The following TRIM75 variants were observed in gnomAD, a reference collection of about 807,000 sequenced individuals.
TRIM75 encodes tripartite motif-containing protein 75.
At chr4:165,056,498 C>T in the TRIM75 span, among the ~76,000 whole-genome samples, 1 of 150,936 alleles carries the variant, frequency 6.6e-6, no homozygotes, top group African/African-American at 2.4e-5. Flanking sequence ...CCTTGGACCA[C>T]AGGGATTGAT....
At chr4:165,058,739 T>G in the TRIM75 span, among the ~76,000 whole-genome samples, 1 of 151,894 alleles carries the variant, frequency 6.6e-6, no homozygotes, top group African/African-American at 2.4e-5. Context: ...CCACCTGAAA[T>G]AAATTCAGGT....
At chr4:165,053,925 G>A in the TRIM75 span, among the ~76,000 whole-genome samples, 220 of 151,682 alleles carry the variant, frequency 1.5e-3, 1 homozygote, top group Non-Finnish European at 1.9e-3. Flanking sequence ...ATAAAGGACC[G>A]CCGCAGAGCT....
chr4:165,060,332 T>C, the TRIM75 span: 56 of 780,802 alleles, frequency 7.2e-5, no homozygotes, highest in Non-Finnish European at 1.1e-4. Flanking sequence ...ATGGCTATCA[T>C]GCACCAGGGG....
At chr4:165,056,268 T>C in the TRIM75 span, among the ~76,000 whole-genome samples, 1 of 150,748 alleles carries the variant, frequency 6.6e-6, no homozygotes, top group Non-Finnish European at 1.5e-5. Context: ...ATCCCATCTC[T>C]ATTAAAAATA....
the TRIM75 span, chr4:165,060,090 C>A: frequency 1.3e-6 from 1 of 780,646 alleles, no homozygotes; most frequent in African/African-American, 1.7e-5. Context: ...AGATAAAAAA[C>A]GTGTGAGATT....
chr4:165,055,137 TA>T, the TRIM75 span, among the ~76,000 whole-genome samples: 3 of 151,484 alleles, frequency 2.0e-5, no homozygotes, highest in East Asian at 1.9e-4. Context: ...ACTCAACCAT[TA>T]AAAAAAAATT....
At chr4:165,060,327 T>A in the TRIM75 span, 8 of 780,936 alleles carry the variant, frequency 1.0e-5, no homozygotes, top group Admixed American at 1.4e-4. Flanking sequence ...AGATGATGGC[T>A]ATCATGCACC....
the TRIM75 span, among the ~76,000 whole-genome samples, chr4:165,054,888 C>T: frequency 4.0e-5 from 6 of 151,698 alleles, no homozygotes; most frequent in South Asian, 2.1e-4. Context: ...GGTCTGATGG[C>T]GAGTGTGGAA....
chr4:165,054,488 C>T, the TRIM75 span, among the ~76,000 whole-genome samples: 12 of 152,048 alleles, frequency 7.9e-5, no homozygotes, highest in South Asian at 2.1e-4. Flanking sequence ...AGTATGGTCT[C>T]GATCTTCTGA....
the TRIM75 span, chr4:165,060,399 G>A: frequency 2.6e-6 from 2 of 780,910 alleles, no homozygotes; most frequent in Admixed American, 3.4e-5. Flanking sequence ...CATTTTCCTG[G>A]ACTATGAGAT....
chr4:165,056,389 A>C, the TRIM75 span, among the ~76,000 whole-genome samples: 7 of 152,002 alleles, frequency 4.6e-5, no homozygotes, highest in Admixed American at 4.6e-4. Context: ...TTTCCAAAGA[A>C]AGGTCTGTCT....
chr4:165,054,266 A>ATTTTTT, the TRIM75 span, among the ~76,000 whole-genome samples: 8 of 96,876 alleles, frequency 8.3e-5, no homozygotes, highest in African/African-American at 2.3e-4. Flanking sequence ...TAATTTGTGT[A>ATTTTTT]TTTTTTTTTT....
At chr4:165,054,481 A>C in the TRIM75 span, among the ~76,000 whole-genome samples, 2 of 151,966 alleles carry the variant, frequency 1.3e-5, no homozygotes, top group South Asian at 2.1e-4. Flanking sequence ...GTTGGCCAGT[A>C]TGGTCTCGAT....
the TRIM75 span, among the ~76,000 whole-genome samples, chr4:165,055,026 T>C: frequency 1.3e-5 from 2 of 152,094 alleles, no homozygotes; most frequent in African/African-American, 2.4e-5. Flanking sequence ...TCTCCCTTTA[T>C]TTAACCACTA....
the TRIM75 span, chr4:165,059,088 C>A: frequency 1.5e-6 from 1 of 681,838 alleles, no homozygotes; most frequent in Non-Finnish European, 2.7e-6. Context: ...TGAAGAGTAC[C>A]CACAGAACTC....
the TRIM75 span, chr4:165,059,485 T>A: frequency 5.1e-6 from 4 of 780,920 alleles, no homozygotes; most frequent in South Asian, 5.4e-5. Context: ...GAGGACCTGA[T>A]GGTGTTGTGT....
chr4:165,057,814 T>A, the TRIM75 span, among the ~76,000 whole-genome samples: 1 of 152,178 alleles, frequency 6.6e-6, no homozygotes, highest in African/African-American at 2.4e-5. Flanking sequence ...GATTACAGGC[T>A]GAGCCACCAA....
chr4:165,059,643 A>G, the TRIM75 span: 1 of 780,840 alleles, frequency 1.3e-6, no homozygotes. Flanking sequence ...AAGCACTCAA[A>G]GCAAAAAACC....
the TRIM75 span, chr4:165,059,868 A>G: frequency 2.6e-6 from 2 of 780,606 alleles, no homozygotes; most frequent in Non-Finnish European, 4.8e-6. Context: ...AGTAGAGCTC[A>G]GTGAGCTGTC....
Sources: allele counts gnomAD v4.1 joint callset (sites outside exome capture counted in the v4.1 genomes callset), GRCh38; gene constraint gnomAD v4.1.1; transcripts MANE v1.5; gene names NCBI Gene and HGNC (gene_info 2026-07-23, HGNC 2026-07-21).